The following SDF2 variants were observed in gnomAD, a reference collection of about 807,000 sequenced individuals.
The protein encoded by SDF2 is stromal cell-derived factor 2.
SDF2 carries 12 observed loss-of-function variants against 20.5 expected under a neutral mutation model. The ratio of observed to expected loss-of-function variants is 0.58; its 90% CI spans 0.37 to 0.95. The LOEUF (loss-of-function observed/expected upper bound fraction) is 0.95. Ranked by LOEUF, SDF2 falls within the 40% of genes least tolerant of loss-of-function variation. The probability of loss-of-function intolerance (pLI) is 0.01; values close to 1 mark genes in which losing one functional copy is unlikely to be tolerated. For synonymous variants in SDF2, 100 were observed against 101.0 expected (o/e 0.99, Z 0.06); for missense variants, 238 against 263.1 (o/e 0.90, Z 0.66).
Position 28,659,463 on chromosome 17 carries a change from A to G in SDF2, c.151+2263T>C, listed in dbSNP as rs565038522. 7.8e-3 allele frequency among the ~76,000 whole-genome samples: 1,060 copies of G among 136,628 alleles called. 6 individuals are homozygous for G. The highest frequency in any genetic ancestry group is 0.013 in the Non-Finnish European group (821 of 64,830). The allele number at this position is 136,628 out of a possible 152,430, so 89.6% of individuals were successfully genotyped here. A position where few individuals can be genotyped will look rare whatever the true frequency, so the allele number is the denominator to read the frequency against. ...GGCGGCCAGGTGCTCCCCACTTCCC[A>G]GATGGGGTGGCCGGGCAGAGGTGCT... On this transcript the variant is annotated intron_variant, in intron 1 of 2. Transcript: ENST00000247020.
intron 2 of SDF2, among the ~76,000 whole-genome samples, chr17:28,650,937 C>T (rs1451387201): frequency 6.6e-6 from 1 of 150,828 alleles, no homozygotes; most frequent in Non-Finnish European, 1.5e-5. Flanking sequence ...TACCACCACA[C>T]CCAGGTAATT....
intron 1 of SDF2, chr17:28,660,550 T>C (rs2072018848): frequency 6.6e-6 from 1 of 152,356 alleles, no homozygotes; most frequent in African/African-American, 2.4e-5. Flanking sequence ...TTTTTAAACC[T>C]ACAGATTGCT....
chr17:28,661,915 C>T (rs1383354099), upstream of SDF2: 17 of 1,583,212 alleles, frequency 1.1e-5, no homozygotes, highest in African/African-American at 1.3e-5. Context: ...TCGAAGAAAA[C>T]TCGGCCCCTC....
intron 1 of SDF2, among the ~76,000 whole-genome samples, chr17:28,658,012 C>T (rs1234558614): frequency 6.6e-6 from 1 of 152,142 alleles, no homozygotes; most frequent in Non-Finnish European, 1.5e-5. Flanking sequence ...CAACTATCAG[C>T]TCCTTTCATG....
intron 1 of SDF2, chr17:28,660,989 T>C (rs1453719041): frequency 3.7e-6 from 1 of 273,374 alleles, no homozygotes; most frequent in Admixed American, 4.7e-5. Context: ...CTCCTGTATG[T>C]AGTACAATTC....
intron 2 of SDF2, among the ~76,000 whole-genome samples, chr17:28,649,891 A>AC (rs1035975771): frequency 1.1e-3 from 143 of 136,116 alleles, no homozygotes; most frequent in African/African-American, 4.0e-3. Context: ...ACAGAGCAAG[A>AC]CCCCATCTCA....
rs755621667 is a variant in SDF2 at position 28,652,451 on chromosome 17, C to T, written c.348+2836G>A. The stretch of plus-strand genomic sequence containing the variant: ...TCGGCCTCCCAAGTAGCTGGGATCA[C>T]AGGCTCCCGCCACCATGCCCAGCTA... On this transcript the variant is annotated intron_variant, in intron 2 of 2. Transcript: ENST00000247020. Among the ~76,000 whole-genome samples, 68 of 152,154 alleles carry T rather than the reference C, an allele frequency of 4.5e-4. 1 individual carries two copies. Among genetic ancestry groups the T allele is most frequent in the Non-Finnish European group, 5.9e-5 (4 of 68,026 alleles).
intron 1 of SDF2, chr17:28,655,748 T>C: frequency 3.8e-6 from 2 of 529,466 alleles, no homozygotes; most frequent in East Asian, 3.2e-5. Flanking sequence ...CGTGCTTGCA[T>C]CCAAATGTGA....
At chr17:28,658,698 C>T (rs988024171) in intron 1 of SDF2, among the ~76,000 whole-genome samples, 1 of 152,106 alleles carries the variant, frequency 6.6e-6, no homozygotes, top group Non-Finnish European at 1.5e-5. Flanking sequence ...TCTTTCTTTT[C>T]CCCACATTTC....
At chr17:28,658,706 T>G (rs2071990259) in intron 1 of SDF2, among the ~76,000 whole-genome samples, 2 of 152,018 alleles carry the variant, frequency 1.3e-5, no homozygotes, top group Non-Finnish European at 1.5e-5. Context: ...TTCCCCACAT[T>G]TCCCCCTTTT....
In SDF2 at chr17:28,655,372, C is replaced by A; in HGVS notation, c.263G>T (p.Cys88Phe). 1.2e-6 allele frequency: 2 copies of A among 1,614,238 alleles called. No homozygotes were observed. Among genetic ancestry groups the A allele is most frequent in the Non-Finnish European group, 1.7e-6 (2 of 1,180,044 alleles). ...ATGTGTCAGCCGGATGGGCTGGCCA[C>A]ACTTGATGGGGGTTCCCCTCTCACA... ...TVCERGTPIK[C>F]GQPIRLTHVN... The change falls in exon 2 of 3, where the codon TGT becomes TTT. Residue 88 changes from cysteine to phenylalanine, a missense_variant. By Grantham distance (205) the Cys-to-Phe change is radical (BLOSUM62 -2). Transcript: ENST00000247020.
At chr17:28,660,026 G>C (rs959267421) in intron 1 of SDF2, among the ~76,000 whole-genome samples, 4 of 152,220 alleles carry the variant, frequency 2.6e-5, no homozygotes, top group Non-Finnish European at 4.4e-5. Context: ...ATCACTCGAG[G>C]TCAGGAGCTG....
At chr17:28,659,206 ACGGGG>A in intron 1 of SDF2, among the ~76,000 whole-genome samples, 1 of 123,972 alleles carries the variant, frequency 8.1e-6, no homozygotes, top group Non-Finnish European at 1.6e-5. Flanking sequence ...CACATCCCAG[ACGGGG>A]TGGCGGCCAG....
intron 2 of SDF2, among the ~76,000 whole-genome samples, chr17:28,650,248 G>A (rs987928940): frequency 5.9e-5 from 9 of 151,990 alleles, no homozygotes; most frequent in Non-Finnish European, 1.2e-4. Flanking sequence ...CACCGTGCCC[G>A]GCCACTCCAG....
intron 1 of SDF2, among the ~76,000 whole-genome samples, chr17:28,656,655 G>T (rs748472357): frequency 1.3e-5 from 2 of 152,126 alleles, no homozygotes; most frequent in African/African-American, 2.4e-5. Context: ...ATACTTAAGG[G>T]TATGTCATAT....
intron 1 of SDF2, among the ~76,000 whole-genome samples, chr17:28,656,573 G>A (rs2071964714): frequency 1.3e-5 from 2 of 152,044 alleles, no homozygotes; most frequent in Non-Finnish European, 2.9e-5. Flanking sequence ...GGATGACAGA[G>A]CCAGACTCCG....
Position 28,655,052 on chromosome 17 carries a change from C to T in SDF2, c.348+235G>A, listed in dbSNP as rs988699904. Reference sequence around the variant, plus strand: ...GACTGAGGCAGGAGACTTGCTTGAACCCAGAGGCGGAGGTTGCAGTGAGCC... The same window carrying T: ...GACTGAGGCAGGAGACTTGCTTGAATCCAGAGGCGGAGGTTGCAGTGAGCC... On this transcript the variant is annotated intron_variant, in intron 2 of 2. Coordinates refer to ENST00000247020, the MANE Select transcript of SDF2 (RefSeq NM_006923.4). Among the ~76,000 whole-genome samples the T allele has an allele frequency of 1.8e-4, 27 of 152,146 alleles. No homozygotes were observed. In the East Asian group the frequency reaches 2.3e-3, roughly 13 times the overall value.
chr17:28,658,874 C>G lies in SDF2; in HGVS notation c.151+2852G>C, dbSNP rs546714667. ...CTCCTCACTTCCCAGACGGGGCGGC[C>G]GGGCAGAGGCACTCCTCACTTCCCA... On this transcript the variant is annotated intron_variant, in intron 1 of 2. Transcript: ENST00000247020. Among the ~76,000 whole-genome samples the G allele has an allele frequency of 1.6e-4, 24 of 146,664 alleles. No individual in the cohort carries two copies. In the East Asian group the frequency reaches 5.0e-3, roughly 30 times the overall value.
At chr17:28,654,016 A>T (rs1331641587) in intron 2 of SDF2, among the ~76,000 whole-genome samples, 1 of 152,116 alleles carries the variant, frequency 6.6e-6, no homozygotes, top group Non-Finnish European at 1.5e-5. Context: ...CAAGGCTTAA[A>T]ACAGTGGCAC....
Sources: allele counts gnomAD v4.1 joint callset (sites outside exome capture counted in the v4.1 genomes callset), GRCh38; gene constraint gnomAD v4.1.1; transcripts MANE v1.5; gene names NCBI Gene and HGNC (gene_info 2026-07-23, HGNC 2026-07-21).